Variants in FAM184B observed in about 807,000 individuals in gnomAD.
The protein encoded by FAM184B is family with sequence similarity 184 member B, also known as protein FAM184B.
In FAM184B, 111 loss-of-function variants were observed where a neutral mutation model predicts 135.9. The ratio of observed to expected loss-of-function variants is 0.82; its 90% CI spans 0.70 to 0.96. FAM184B has a LOEUF of 0.96. Ranked by LOEUF, FAM184B falls within the 40% of genes least tolerant of loss-of-function variation. The probability of loss-of-function intolerance (pLI) is 0.00; values close to 1 mark genes in which losing one functional copy is unlikely to be tolerated. For synonymous variants in FAM184B, 552 were observed against 524.8 expected, an observed-to-expected ratio of 1.05 and a Z score of -0.71; for missense variants, 1,375 against 1,323.9, an observed-to-expected ratio of 1.04 and a Z score of -0.60.
rs547569482 is a variant in FAM184B, at chr4:17,675,894, GGGAATGTTGT to G, written c.1597-11245_1597-11236del. 1.0e-3 allele frequency among the ~76,000 whole-genome samples: 154 copies of G among 152,312 alleles called. 2 individuals are homozygous for G. In the South Asian group the frequency reaches 0.021, roughly 21 times the overall value. On this transcript the variant is annotated intron_variant, in intron 7 of 17. Transcript: ENST00000265018. Reference sequence around the variant, plus strand: ...GGCTCTGGATTAGGCTTTAGGTTAAGGGAATGTTGTGGCTGGTTTGATCTTCTATCTAGAC... The same window carrying G: ...GGCTCTGGATTAGGCTTTAGGTTAAGGGCTGGTTTGATCTTCTATCTAGAC...
chr4:17,661,017 T>C (rs1560170528), intron 8 of FAM184B, among the ~76,000 whole-genome samples: 1 of 152,082 alleles, frequency 6.6e-6, no homozygotes, highest in Admixed American at 6.6e-5. Context: ...AAGGGTCTGA[T>C]ACTAGAAGCA....
chr4:17,676,534 A>C (rs1188115927), intron 7 of FAM184B, among the ~76,000 whole-genome samples: 2 of 152,264 alleles, frequency 1.3e-5, no homozygotes, highest in African/African-American at 4.8e-5. Context: ...CACACTTAAT[A>C]GACTGTAGTA....
chr4:17,755,851 C>T (rs372354934), intron 1 of FAM184B, among the ~76,000 whole-genome samples: 5 of 152,002 alleles, frequency 3.3e-5, no homozygotes, highest in Admixed American at 6.6e-5. Context: ...AAATGGGAAC[C>T]GAATGATGAA....
chr4:17,653,914 C>CGGAGAGGGAGGG (rs1715703529), intron 10 of FAM184B, among the ~76,000 whole-genome samples: 1 of 390 alleles, frequency 2.6e-3, no homozygotes, highest in Non-Finnish European at 4.9e-3. Context: ...AAGCAGAGGT[C>CGGAGAGGGAGGG]AGAGAGGGAG....
At position 17,714,076 on chromosome 4, in the gene FAM184B, C is replaced by A. The variant is rs941249475; in HGVS notation, c.142-4432G>T. On this transcript the variant is annotated intron_variant, in intron 1 of 17. Transcript: ENST00000265018. The stretch of plus-strand genomic sequence containing the variant: ...TGTCAAGCTGCACATGGACAAGAAC[C>A]ATATCACTTCTTTGGGCTGCTCGAC... Among the ~76,000 whole-genome samples, 3 of 152,154 alleles carry A rather than the reference C, an allele frequency of 2.0e-5. No homozygotes were observed. In the South Asian group the frequency reaches 6.2e-4, roughly 32 times the overall value.
At chr4:17,658,597 C>T (rs1385599273) in intron 9 of FAM184B, 35 bp from the exon 10 acceptor site, 2 of 1,531,926 alleles carry the variant, frequency 1.3e-6, no homozygotes, top group Non-Finnish European at 1.8e-6. Context: ...AGTCTAAGCC[C>T]CTTGCCTTTC....
chr4:17,768,407 T>C (rs1718743395), intron 1 of FAM184B, among the ~76,000 whole-genome samples: 1 of 149,412 alleles, frequency 6.7e-6, no homozygotes, highest in Admixed American at 6.6e-5. Flanking sequence ...CCAGAGTAGC[T>C]GGGACTACAG....
chr4:17,716,765 T>G (rs1717407441), intron 1 of FAM184B, among the ~76,000 whole-genome samples: 1 of 152,212 alleles, frequency 6.6e-6, no homozygotes, highest in Non-Finnish European at 1.5e-5. Context: ...TCAGCTCATC[T>G]TTAGCCTTGC....
chr4:17,708,025 C>T (rs1419719316), intron 2 of FAM184B, among the ~76,000 whole-genome samples: 3 of 152,134 alleles, frequency 2.0e-5, no homozygotes, highest in Non-Finnish European at 4.4e-5. Flanking sequence ...GAAATACTAA[C>T]TGCTGCTACT....
At chr4:17,635,299 C>CA (rs1350556885) in intron 15 of FAM184B, among the ~76,000 whole-genome samples, 186 bp from the exon 16 acceptor site, 2 of 152,148 alleles carry the variant, frequency 1.3e-5, no homozygotes, top group African/African-American at 4.8e-5. Flanking sequence ...TTTATGTCCC[C>CA]AGCCCCTCTT....
At chr4:17,730,875 C>T (rs904668723) in intron 1 of FAM184B, among the ~76,000 whole-genome samples, 46 of 152,200 alleles carry the variant, frequency 3.0e-4, no homozygotes, top group African/African-American at 8.4e-4. Flanking sequence ...GAATAACCAA[C>T]GCAGAGAAGT....
intron 1 of FAM184B, among the ~76,000 whole-genome samples, chr4:17,712,605 G>A (rs1180900472): frequency 1.3e-5 from 2 of 152,122 alleles, no homozygotes; most frequent in African/African-American, 4.8e-5. Context: ...TTTTCAAACT[G>A]CACTCCTTGT....
chr4:17,652,821 GGT>G lies in FAM184B; in HGVS notation c.2191+7_2191+8del. 6.5e-7 allele frequency: 1 copy of G among 1,549,984 alleles called. No individual in the cohort carries two copies. The highest frequency in any genetic ancestry group is 8.7e-7 in the Non-Finnish European group (1 of 1,146,368). On this transcript the variant is annotated splice_region_variant and intron_variant, in intron 11 of 17. Coordinates refer to ENST00000265018, the MANE Select transcript of FAM184B (RefSeq NM_015688.2). ...CCAGGCCCTCCTCAGTACACTATTGGGTGTATACCTAGCAGCAGGGCCTGCTG... is the reference window on the plus strand; with the variant it reads ...CCAGGCCCTCCTCAGTACACTATTGGGTATACCTAGCAGCAGGGCCTGCTG...
chr4:17,633,646 A>C (rs565032163), intron 17 of FAM184B, 43 bp downstream of exon 17: 2 of 1,409,410 alleles, frequency 1.4e-6, no homozygotes, highest in African/African-American at 3.0e-5. Context: ...TCTTATCTAC[A>C]GGGAAATAGA....
At position 17,647,746 on chromosome 4, in the gene FAM184B, C is replaced by A; in HGVS notation, c.2237G>T (p.Gly746Val). The change falls in exon 12 of 18, where the codon GGG becomes GTG. Residue 746 changes from glycine to valine, a missense_variant. Coordinates refer to ENST00000265018, the MANE Select transcript of FAM184B (RefSeq NM_015688.2). ...CAGTGCCTCCAAGTCCTTCTGGTGC[C>A]CAGAACAGGCAGCTTGCTGCTCCGA... is the stretch of plus-strand genomic sequence containing the variant. ...ELSEQQAACS[G>V]HQKDLEALQA... is the part of the protein sequence containing the mutation. 1 of 1,550,946 alleles carries A rather than the reference C, an allele frequency of 6.4e-7. No individual in the cohort carries two copies. Among genetic ancestry groups the A allele is most frequent in the Non-Finnish European group, 8.7e-7 (1 of 1,146,988 alleles).
At chr4:17,702,993 A>G (rs1717025294) in intron 5 of FAM184B, among the ~76,000 whole-genome samples, 1 of 152,238 alleles carries the variant, frequency 6.6e-6, no homozygotes, top group Admixed American at 6.5e-5. Context: ...GAGTCAGGAT[A>G]TCAGATTTGA....
intron 15 of FAM184B, 31 bp downstream of exon 15, chr4:17,636,497 G>T (rs1401858711): frequency 1.3e-6 from 2 of 1,521,264 alleles, no homozygotes; most frequent in South Asian, 1.2e-5. Flanking sequence ...CCGGCCAGGT[G>T]CGTGGGTGAG....
chr4:17,694,250 G>A (rs902663424), intron 5 of FAM184B, among the ~76,000 whole-genome samples: 7 of 151,604 alleles, frequency 4.6e-5, no homozygotes, highest in East Asian at 2.0e-4. Context: ...GGGGCCAGGC[G>A]CGGTGGCTGA....
In FAM184B at chr4:17,666,936, CT is replaced by C. The variant is rs928683730; in HGVS notation, c.1597-2278del. On this transcript the variant is annotated intron_variant, in intron 7 of 17. Transcript: ENST00000265018. ...CTCTCCCATACTTGCCCTACACCCA[CT>C]TTTTTTTTTGTTTTTTTGTTTTTTT... Among the ~76,000 whole-genome samples, 117 of 147,818 alleles carry C rather than the reference CT, an allele frequency of 7.9e-4. 1 individual carries two copies. The highest frequency in any genetic ancestry group is 3.5e-3 in the Middle Eastern group (1 of 286).
Sources: allele counts gnomAD v4.1 joint callset (sites outside exome capture counted in the v4.1 genomes callset), GRCh38; gene constraint gnomAD v4.1.1; transcripts MANE v1.5; gene names NCBI Gene and HGNC (gene_info 2026-07-23, HGNC 2026-07-21).